SNX29: variants seen among roughly 807,000 people sequenced by gnomAD.
SNX29 encodes sorting nexin-29.
In SNX29, 78 loss-of-function variants were observed where a neutral mutation model predicts 102.1. The ratio of observed to expected loss-of-function variants is 0.76; its 90% CI spans 0.64 to 0.92. The LOEUF is 0.92. Ranked by LOEUF, SNX29 falls within the 40% of genes least tolerant of loss-of-function variation. The probability of loss-of-function intolerance (pLI) is 0.00; values close to 1 mark genes in which losing one functional copy is unlikely to be tolerated. For synonymous variants in SNX29, 580 were observed against 414.5 expected, an observed-to-expected ratio of 1.40 and a Z score of -4.85; for missense variants, 1,280 against 1,061.7, an observed-to-expected ratio of 1.21 and a Z score of -2.86.
intron 20 of SNX29, among the ~76,000 whole-genome samples, chr16:12,547,460 G>A (rs1349068901): frequency 1.3e-5 from 2 of 152,120 alleles, no homozygotes; most frequent in Non-Finnish European, 2.9e-5. Context: ...CAGGCAGCCT[G>A]GGAAGGGGTA....
intron 20 of SNX29, among the ~76,000 whole-genome samples, chr16:12,552,787 T>C (rs1211691216): frequency 1.3e-5 from 2 of 152,096 alleles, no homozygotes; most frequent in Non-Finnish European, 2.9e-5. Context: ...GCTCTGGGCT[T>C]TCAGTCATCC....
intron 14 of SNX29, among the ~76,000 whole-genome samples, chr16:12,203,089 T>C (rs897768441): frequency 8.9e-5 from 13 of 146,884 alleles, no homozygotes; most frequent in Non-Finnish European, 1.5e-5. Context: ...TCTCAAGTTG[T>C]GTAGTGTGGC....
At chr16:12,418,279 C>T (rs1469733809) in intron 18 of SNX29, among the ~76,000 whole-genome samples, 1 of 152,186 alleles carries the variant, frequency 6.6e-6, no homozygotes, top group Non-Finnish European at 1.5e-5. Context: ...TAGCGTCCTT[C>T]CTCCAGATTA....
chr16:12,052,231 G>C lies in SNX29; in HGVS notation c.1124+9G>C, dbSNP rs760467110. 1 of 1,613,506 alleles carries C rather than the reference G, an allele frequency of 6.2e-7. No homozygotes were observed. Among genetic ancestry groups the C allele is most frequent in the Non-Finnish European group, 8.5e-7 (1 of 1,179,756 alleles). On this transcript the variant is annotated intron_variant, in intron 8 of 20. Transcript: ENST00000566228. ...TCGGAGTCGCCCGAGAAGTAAGTTT[G>C]TGTGTAAGGTGGAGTCTCACCGTCC...
intron 4 of SNX29, chr16:12,038,773 C>T (rs1596661374): frequency 6.6e-6 from 1 of 152,342 alleles, no homozygotes; most frequent in South Asian, 2.1e-4. Context: ...CTGCATTTTT[C>T]AAGACAGGCT....
rs992045203 is a variant in SNX29 at position 12,534,437 on chromosome 16, T to G, written c.2318+9596T>G. 3.9e-5 allele frequency among the ~76,000 whole-genome samples: 6 copies of G among 152,328 alleles called. No individual in the cohort carries two copies. The South Asian group carries it at 6.2e-4, about 16-fold the overall frequency. On this transcript the variant is annotated intron_variant, in intron 20 of 20. Transcript: ENST00000566228. ...TAGCCAGCGGCTGCACTCGGTTGCC[T>G]GTAGAAAGAACGCAGATTAGGGAGG...
At chr16:12,441,382 C>G (rs1003377659) in intron 18 of SNX29, among the ~76,000 whole-genome samples, 11 of 152,280 alleles carry the variant, frequency 7.2e-5, no homozygotes, top group African/African-American at 2.2e-4. Flanking sequence ...GCCACCACGC[C>G]TGGCCTACTT....
At chr16:12,033,333 C>A (rs2057393283) in intron 4 of SNX29, among the ~76,000 whole-genome samples, 1 of 151,758 alleles carries the variant, frequency 6.6e-6, no homozygotes, top group African/African-American at 2.4e-5. Context: ...AAATTCCTTG[C>A]CCTAAGTGAT....
chr16:12,457,964 A>G (rs551562312), intron 18 of SNX29, among the ~76,000 whole-genome samples: 4 of 152,344 alleles, frequency 2.6e-5, no homozygotes, highest in East Asian at 3.9e-4. Context: ...GAGTGTGCCT[A>G]TCACATCTGA....
intron 13 of SNX29, among the ~76,000 whole-genome samples, chr16:12,130,763 G>T (rs534156032): frequency 2.6e-4 from 40 of 151,508 alleles, no homozygotes; most frequent in Non-Finnish European, 4.1e-4. Flanking sequence ...AATGTGAAGT[G>T]GTAGCCTGTC....
chr16:12,561,812 C>A (rs565503773), intron 20 of SNX29, among the ~76,000 whole-genome samples: 1 of 152,122 alleles, frequency 6.6e-6, no homozygotes, highest in Non-Finnish European at 1.5e-5. Context: ...GGCTCATTAC[C>A]GCAGCTTACA....
chr16:12,463,504 A>G (rs905520035), intron 18 of SNX29, among the ~76,000 whole-genome samples: 2 of 152,166 alleles, frequency 1.3e-5, no homozygotes, highest in South Asian at 2.1e-4. Flanking sequence ...TACAGACATC[A>G]GATCTCATGA....
intron 1 of SNX29, among the ~76,000 whole-genome samples, chr16:11,995,329 G>T (rs1049062958): frequency 2.0e-5 from 3 of 152,160 alleles, no homozygotes; most frequent in Admixed American, 1.3e-4. Flanking sequence ...GCCCCCCAAA[G>T]TTGCTGGGAT....
At chr16:12,251,492 C>T (rs963972532) in intron 14 of SNX29, among the ~76,000 whole-genome samples, 3 of 152,138 alleles carry the variant, frequency 2.0e-5, no homozygotes, top group African/African-American at 7.2e-5. Context: ...CACCTGAGGT[C>T]AGGAGTTCGA....
intron 14 of SNX29, among the ~76,000 whole-genome samples, chr16:12,254,861 G>A (rs1246908587): frequency 6.6e-6 from 1 of 152,194 alleles, no homozygotes; most frequent in Non-Finnish European, 1.5e-5. Flanking sequence ...AGGGGTGAGA[G>A]CCTGAGTTGC....
chr16:11,976,833 CTG>C lies in SNX29; in HGVS notation c.7+22_7+23del. ...TGAGCGGTGAGTGGCGGCCCCGCCG[CTG>C]TCACCTGCCCCGGCCGCCCCGGCTC... On this transcript the variant is annotated intron_variant, in intron 1 of 20. Coordinates refer to ENST00000566228, the MANE Select transcript of SNX29 (RefSeq NM_032167.5). 2 of 1,371,618 alleles carry C rather than the reference CTG, an allele frequency of 1.5e-6. No individual in the cohort carries two copies. Among genetic ancestry groups the C allele is most frequent in the Non-Finnish European group, 1.9e-6 (2 of 1,061,914 alleles). 85.0% of individuals were successfully genotyped at this position (1,371,618 alleles called of 1,614,324 possible).
At chr16:12,288,646 T>C (rs1225330391) in intron 15 of SNX29, among the ~76,000 whole-genome samples, 1 of 147,960 alleles carries the variant, frequency 6.8e-6, no homozygotes, top group Non-Finnish European at 1.5e-5. Flanking sequence ...ACCACTGCTT[T>C]CCAGCCTAGG....
chr16:12,279,054 T>G (rs1198528381), intron 15 of SNX29, among the ~76,000 whole-genome samples: 1 of 152,240 alleles, frequency 6.6e-6, no homozygotes, highest in Non-Finnish European at 1.5e-5. Context: ...GCTATGTTTT[T>G]GATGAGGTGT....
chr16:12,549,094 T>A (rs2077796856), intron 20 of SNX29, among the ~76,000 whole-genome samples: 1 of 152,200 alleles, frequency 6.6e-6, no homozygotes, highest in East Asian at 1.9e-4. Context: ...CCTGTTACAG[T>A]GTCATTTCTT....
Sources: allele counts gnomAD v4.1 joint callset (sites outside exome capture counted in the v4.1 genomes callset), GRCh38; gene constraint gnomAD v4.1.1; transcripts MANE v1.5; gene names NCBI Gene and HGNC (gene_info 2026-07-23, HGNC 2026-07-21).